EPM2A: variants seen among roughly 807,000 people sequenced by gnomAD.
EPM2A encodes the protein laforin.
In EPM2A, 21 loss-of-function variants were observed where a neutral mutation model predicts 26.5. The ratio of observed to expected loss-of-function variants is 0.79; its 90% confidence interval spans 0.56 to 1.14. The LOEUF (loss-of-function observed/expected upper bound fraction) is 1.14, where lower values mean the gene tolerates loss of function less well. Among genes scored for constraint, EPM2A ranks in the 50% most tolerant of loss-of-function variants. EPM2A has a pLI of 0.00. For synonymous variants in EPM2A, 217 were observed against 177.6 expected (o/e 1.22, Z -1.76); for missense variants, 458 against 440.8 (o/e 1.04, Z -0.35).
intron 2 of EPM2A, among the ~76,000 whole-genome samples, chr6:145,585,580 C>T (rs1306855666): frequency 1.3e-5 from 2 of 152,132 alleles, no homozygotes; most frequent in Non-Finnish European, 1.5e-5. Flanking sequence ...TTCCTTCTCT[C>T]AACTTTTCTA....
chr6:145,445,832 C>CG (rs1562337694), intron 4 of EPM2A, among the ~76,000 whole-genome samples: 1 of 152,098 alleles, frequency 6.6e-6, no homozygotes, highest in African/African-American at 2.4e-5. Context: ...CATTGAGAGG[C>CG]GGGGTCTATG....
chr6:145,489,794 C>T, intron 4 of EPM2A: 1 of 1,438,716 alleles, frequency 7.0e-7, no homozygotes, highest in Non-Finnish European at 9.8e-7. Flanking sequence ...TCATAGATTT[C>T]TGGGGTCACG....
At chr6:145,490,868 T>C in intron 4 of EPM2A, 1 of 676,136 alleles carries the variant, frequency 1.5e-6, no homozygotes, top group Non-Finnish European at 2.7e-6. Context: ...GTCACTTTGA[T>C]GATACTTGCT....
intron 2 of EPM2A, among the ~76,000 whole-genome samples, chr6:145,584,125 G>A (rs6902410): frequency 0.43 from 64,963 of 151,730 alleles, 14,419 homozygotes; most frequent in African/African-American, 0.51. Flanking sequence ...TGCGTGCATC[G>A]GCAAAGCAAT....
At chr6:145,589,931 A>T (rs1456754740) in intron 2 of EPM2A, among the ~76,000 whole-genome samples, 1 of 151,980 alleles carries the variant, frequency 6.6e-6, no homozygotes, top group Non-Finnish European at 1.5e-5. Context: ...TCCCATCCTT[A>T]AGATAAGAAT....
At chr6:145,721,596 A>G (rs989996330) in intron 1 of EPM2A, 31 of 152,340 alleles carry the variant, frequency 2.0e-4, no homozygotes, top group Admixed American at 1.8e-3. Flanking sequence ...GACAGCTCTT[A>G]TCTCATTGAA....
At chr6:145,484,552 C>G (rs1295086774) in intron 4 of EPM2A, among the ~76,000 whole-genome samples, 1 of 152,070 alleles carries the variant, frequency 6.6e-6, no homozygotes, top group Non-Finnish European at 1.5e-5. Flanking sequence ...AAGACATAAT[C>G]TCCAAATCCC....
intron 1 of EPM2A, among the ~76,000 whole-genome samples, chr6:145,694,776 C>G (rs1399300912): frequency 1.3e-4 from 20 of 151,990 alleles, no homozygotes; most frequent in Non-Finnish European, 1.5e-5. Context: ...TGTAATATTT[C>G]TCTCTTCTCC....
intron 4 of EPM2A, among the ~76,000 whole-genome samples, chr6:145,408,274 G>C (rs1227817864): frequency 6.6e-6 from 1 of 152,124 alleles, no homozygotes; most frequent in African/African-American, 2.4e-5. Flanking sequence ...CTGTGTCCCA[G>C]GAGGATGACC....
At chr6:145,438,290 G>C (rs1165495954) in intron 4 of EPM2A, among the ~76,000 whole-genome samples, 1 of 152,118 alleles carries the variant, frequency 6.6e-6, no homozygotes, top group Non-Finnish European at 1.5e-5. Flanking sequence ...AGGGCTGACA[G>C]TACAGGGAGG....
At chr6:145,526,621 A>G (rs922959920) in intron 2 of EPM2A, among the ~76,000 whole-genome samples, 13 of 152,010 alleles carry the variant, frequency 8.6e-5, no homozygotes, top group Admixed American at 6.6e-4. Flanking sequence ...CTGTATTTCT[A>G]TGGGATCGGT....
chr6:145,654,630 C>T (rs1311576096), intron 2 of EPM2A, among the ~76,000 whole-genome samples: 1 of 152,178 alleles, frequency 6.6e-6, no homozygotes, highest in East Asian at 1.9e-4. Flanking sequence ...ATTCTAACTC[C>T]TTTATTTCCG....
At position 145,535,056 on chromosome 6, in the gene EPM2A, G is replaced by A. The variant is rs117355758; in HGVS notation, c.341-32481C>T. Among the ~76,000 whole-genome samples, 166 of 152,122 alleles carry A rather than the reference G, an allele frequency of 1.1e-3. 4 individuals are homozygous for A. The East Asian group carries it at 0.027, about 25-fold the overall frequency. ...TCTTCATCTTTTTATCTCCTTCCCA[G>A]GTAATTTATTACTTTCATATTGAAA... On this transcript the variant is annotated intron_variant, in intron 2 of 3. Transcript: ENST00000450221.
In EPM2A at chr6:145,457,419, G is replaced by A. The variant is rs138731090; in HGVS notation, c.555+45103C>T. Among the ~76,000 whole-genome samples, 557 of 150,866 alleles carry A rather than the reference G, an allele frequency of 3.7e-3. 2 individuals carry two copies. The highest frequency in any genetic ancestry group is 0.01 in the Middle Eastern group (3 of 294). On this transcript the variant is annotated intron_variant, in intron 4 of 4. Transcript: ENST00000638717. ...GAACTGCTTGAACCTGGGAGGCAGA[G>A]GTTGCAGTGAGCTGAGATCATGCCA...
chr6:145,478,287 A>G (rs939954114), intron 4 of EPM2A, among the ~76,000 whole-genome samples: 2 of 151,924 alleles, frequency 1.3e-5, no homozygotes, highest in African/African-American at 4.8e-5. Flanking sequence ...GACACCAAAA[A>G]AAATGGAAAA....
intron 4 of EPM2A, among the ~76,000 whole-genome samples, chr6:145,433,515 T>G (rs1355832442): frequency 2.0e-5 from 3 of 152,198 alleles, no homozygotes; most frequent in Admixed American, 2.0e-4. Flanking sequence ...CTTATTAGCT[T>G]TTTAGTTATA....
chr6:145,452,826 G>A (rs1400787979), intron 4 of EPM2A, among the ~76,000 whole-genome samples: 4 of 152,100 alleles, frequency 2.6e-5, no homozygotes, highest in African/African-American at 9.7e-5. Flanking sequence ...CTTACCAATA[G>A]GGCTGAATGT....
At chr6:145,735,034 G>A (rs895887516) in intron 1 of EPM2A, 164 bp downstream of exon 1, 39 of 401,694 alleles carry the variant, frequency 9.7e-5, no homozygotes, top group African/African-American at 7.9e-4. Flanking sequence ...GGCCGGCAGA[G>A]CAGGGTCAGC....
At chr6:145,663,428 G>A (rs1056403554) in intron 2 of EPM2A, among the ~76,000 whole-genome samples, 23 of 152,232 alleles carry the variant, frequency 1.5e-4, no homozygotes, top group Admixed American at 3.9e-4. Context: ...GAAGCAGGGC[G>A]AGGCATTGCC....
Sources: allele counts gnomAD v4.1 joint callset (sites outside exome capture counted in the v4.1 genomes callset), GRCh38; gene constraint gnomAD v4.1.1; transcripts MANE v1.5; gene names NCBI Gene and HGNC (gene_info 2026-07-23, HGNC 2026-07-21).